Variants in ATP10B observed in about 807,000 individuals in gnomAD.
ATP10B encodes phospholipid-transporting ATPase VB.
A neutral mutation model predicts 141.2 loss-of-function variants in ATP10B; 122 were observed. The observed-to-expected ratio is 0.86, with a 90% confidence interval of 0.75 to 1.00. The LOEUF is 1.00. Ranked by LOEUF, ATP10B falls within the 50% of genes least tolerant of loss-of-function variation. ATP10B has a pLI of 0.00. For synonymous variants in ATP10B, 685 were observed against 692.0 expected (o/e 0.99, Z 0.16); for missense variants, 1,876 against 1,825.3 (o/e 1.03, Z -0.51).
chr5:160,725,104 A>C (rs866170885), intron 2 of ATP10B, among the ~76,000 whole-genome samples: 5 of 152,318 alleles, frequency 3.3e-5, no homozygotes, highest in Middle Eastern at 3.4e-3. Context: ...CCTCTGACTT[A>C]ATAAAAAAGT....
chr5:160,666,226 T>C (rs982970502), intron 7 of ATP10B, among the ~76,000 whole-genome samples: 8 of 152,082 alleles, frequency 5.3e-5, no homozygotes, highest in Admixed American at 2.6e-4. Flanking sequence ...TATATCGAGA[T>C]TGTCTGGGAG....
chr5:160,569,673 T>C lies in ATP10B; in HGVS notation c.3761A>G (p.His1254Arg). Residue 1254 changes from histidine to arginine, a missense_variant, in exon 25 of 26, where the codon CAC (histidine) becomes CGC (arginine). Transcript: ENST00000327245. ...AMEMKTWTIFHGVVLLGSFLM... is the reference protein window; with the variant it reads ...AMEMKTWTIFRGVVLLGSFLM... ...GAAGCTGCCGAGGAGCACGACTCCG[T>C]GGAAAATGGTCTGTGGAGGGAAATA... The C allele has an allele frequency of 3.2e-6, 5 of 1,573,052 alleles. No homozygotes were observed. Among genetic ancestry groups the C allele is most frequent in the Non-Finnish European group, 4.3e-6 (5 of 1,160,776 alleles).
At chr5:160,924,687 A>C in the ATP10B span, among the ~76,000 whole-genome samples, 1 of 152,182 alleles carries the variant, frequency 6.6e-6, no homozygotes, top group South Asian at 2.1e-4. Flanking sequence ...GAGAAATGGT[A>C]ATTGTGTTTG....
intron 25 of ATP10B, among the ~76,000 whole-genome samples, chr5:160,568,454 G>A (rs1283598570): frequency 6.6e-6 from 1 of 152,174 alleles, no homozygotes; most frequent in Non-Finnish European, 1.5e-5. Context: ...TTGTATAATT[G>A]TCTATTTGCT....
intron 1 of ATP10B, among the ~76,000 whole-genome samples, chr5:160,789,065 T>G (rs1771381724): frequency 6.6e-6 from 1 of 152,156 alleles, no homozygotes; most frequent in African/African-American, 2.4e-5. Context: ...TTTGGCCCCT[T>G]GATATTTATG....
the ATP10B span, among the ~76,000 whole-genome samples, chr5:160,885,660 C>A: frequency 6.6e-6 from 1 of 152,174 alleles, no homozygotes; most frequent in African/African-American, 2.4e-5. Flanking sequence ...TTGCTCTCTG[C>A]TCAAGACGGG....
At chr5:160,670,821 C>T (rs904911665) in intron 6 of ATP10B, among the ~76,000 whole-genome samples, 154 bp from the exon 7 acceptor site, 1 of 152,088 alleles carries the variant, frequency 6.6e-6, no homozygotes, top group Non-Finnish European at 1.5e-5. Flanking sequence ...GAATGACCAC[C>T]TCATAATCTC....
chr5:160,581,267 A>G (rs868363076), intron 24 of ATP10B, among the ~76,000 whole-genome samples: 2 of 152,050 alleles, frequency 1.3e-5, no homozygotes, highest in Admixed American at 6.6e-5. Flanking sequence ...GATCTTTCCC[A>G]CTTTCTCCTC....
Position 160,670,586 on chromosome 5 carries a change from G to A in ATP10B, c.552C>T (p.Val184=). The A allele has an allele frequency of 6.2e-7, 1 of 1,613,990 alleles. No individual in the cohort carries two copies. The highest frequency in any genetic ancestry group is 1.1e-5 in the South Asian group (1 of 91,074). The change falls in exon 7 of 26, where the codon GTC becomes GTT. Residue 184 remains valine (V), a synonymous_variant. Coordinates refer to ENST00000327245, the MANE Select transcript of ATP10B (RefSeq NM_025153.3). The part of the protein sequence containing the change: ...DFIQMKCNEI[V]PADILLLFSS... The stretch of plus-strand genomic sequence containing the variant: ...AAAAAAGGAGGAGTATGTCTGCTGG[G>A]ACAATCTCATTGCATTTCATTTGGA...
intron 15 of ATP10B, among the ~76,000 whole-genome samples, chr5:160,620,142 T>A (rs1758242568): frequency 6.6e-6 from 1 of 152,216 alleles, no homozygotes; most frequent in South Asian, 2.1e-4. Flanking sequence ...AATATGCTAA[T>A]GGACACTGTG....
chr5:160,799,481 C>T lies in ATP10B; in HGVS notation c.-575-13678G>A, dbSNP rs189628578. 4.1e-3 allele frequency among the ~76,000 whole-genome samples: 618 copies of T among 152,334 alleles called. 2 individuals carry two copies. The highest frequency in any genetic ancestry group is 0.01 in the Middle Eastern group (3 of 294). ...AGCCCTCTTCAGTTCTAATGGAAAA[C>T]ATTACACAGTTCAAAGTCACTGTTA... is the stretch of plus-strand genomic sequence containing the variant. On this transcript the variant is annotated intron_variant, in intron 1 of 25. Coordinates refer to ENST00000327245, the MANE Select transcript of ATP10B (RefSeq NM_025153.3).
At chr5:160,693,818 T>C (rs1029154541) in intron 3 of ATP10B, among the ~76,000 whole-genome samples, 2 of 152,232 alleles carry the variant, frequency 1.3e-5, no homozygotes, top group Non-Finnish European at 2.9e-5. Context: ...GAGAATTTAA[T>C]GTCTCCACTG....
intron 1 of ATP10B, among the ~76,000 whole-genome samples, chr5:160,788,794 T>C (rs1771360165): frequency 6.6e-6 from 1 of 152,168 alleles, no homozygotes; most frequent in South Asian, 2.1e-4. Context: ...AATAAATCCC[T>C]GTGGAGCTGC....
the ATP10B span, among the ~76,000 whole-genome samples, chr5:160,877,807 A>T: frequency 3.2e-5 from 4 of 124,070 alleles, no homozygotes; most frequent in Non-Finnish European, 3.7e-5. Context: ...AGAATAAAAT[A>T]CCTAGGAATC....
At chr5:160,812,544 A>T (rs1773249578) in intron 1 of ATP10B, among the ~76,000 whole-genome samples, 1 of 152,112 alleles carries the variant, frequency 6.6e-6, no homozygotes, top group Non-Finnish European at 1.5e-5. Flanking sequence ...ATAAATTTTA[A>T]GAAGAGTTTG....
At chr5:160,794,406 T>A (rs1223601829) in intron 1 of ATP10B, among the ~76,000 whole-genome samples, 1 of 152,184 alleles carries the variant, frequency 6.6e-6, no homozygotes, top group Non-Finnish European at 1.5e-5. Context: ...TTTCTTAGAA[T>A]TGCATTCCTC....
chr5:160,665,712 G>C (rs1762281820), intron 7 of ATP10B, among the ~76,000 whole-genome samples: 1 of 152,208 alleles, frequency 6.6e-6, no homozygotes, highest in African/African-American at 2.4e-5. Flanking sequence ...CTGGGACAAA[G>C]TATGTCTTAC....
intron 2 of ATP10B, among the ~76,000 whole-genome samples, chr5:160,780,637 C>A (rs1770653474): frequency 6.6e-6 from 1 of 152,126 alleles, no homozygotes; most frequent in South Asian, 2.1e-4. Context: ...GATTCCTGAA[C>A]TGAACACTCC....
At chr5:160,690,141 G>A (rs537933047) in intron 3 of ATP10B, among the ~76,000 whole-genome samples, 319 of 151,086 alleles carry the variant, frequency 2.1e-3, no homozygotes, top group African/African-American at 7.6e-3. Context: ...TGCTGGGAAA[G>A]CTGACTAGCC....
Sources: allele counts gnomAD v4.1 joint callset (sites outside exome capture counted in the v4.1 genomes callset), GRCh38; gene constraint gnomAD v4.1.1; transcripts MANE v1.5; gene names NCBI Gene and HGNC (gene_info 2026-07-23, HGNC 2026-07-21).